The following ADAMTS17 variants were observed in gnomAD, a reference collection of about 807,000 sequenced individuals.
ADAMTS17 encodes the protein ADAM metallopeptidase with thrombospondin type 1 motif 17, also known as A disintegrin and metalloproteinase with thrombospondin motifs 17.
Under a neutral mutation model 141.5 loss-of-function variants are expected in ADAMTS17, and 113 were observed. That is an observed-to-expected ratio of 0.80 (90% CI 0.69 to 0.93). The LOEUF is 0.93. Among genes scored for constraint, ADAMTS17 ranks in the 40% least tolerant of loss-of-function variants. The pLI is 0.00. For missense variants in ADAMTS17, 1,659 were observed against 1,517.9 expected, an observed-to-expected ratio of 1.09 and a Z score of -1.54; for synonymous variants, 768 against 630.6, an observed-to-expected ratio of 1.22 and a Z score of -3.27.
At chr15:99,983,237 C>G (rs778244303) in intron 20 of ADAMTS17, among the ~76,000 whole-genome samples, 1 of 152,162 alleles carries the variant, frequency 6.6e-6, no homozygotes, top group Admixed American at 6.6e-5. Context: ...GCTTGTTAAT[C>G]CTCACACTGA....
chr15:100,201,021 G>A (rs1374880931), intron 7 of ADAMTS17, among the ~76,000 whole-genome samples: 1 of 152,222 alleles, frequency 6.6e-6, no homozygotes, highest in Admixed American at 6.5e-5. Flanking sequence ...AGGAGAGAAT[G>A]GGACAGGGGA....
At chr15:100,156,053 T>G (rs1408529904) in intron 8 of ADAMTS17, among the ~76,000 whole-genome samples, 2 of 152,164 alleles carry the variant, frequency 1.3e-5, no homozygotes, top group African/African-American at 4.8e-5. Context: ...TTCAACAATC[T>G]CAGTGGAACA....
rs116961066 is a variant in ADAMTS17, at chr15:100,230,818, T to A, written c.1075+23318A>T. Among the ~76,000 whole-genome samples the A allele has an allele frequency of 2.2e-4, 33 of 152,082 alleles. No individual in the cohort carries two copies. In the East Asian group the frequency reaches 6.4e-3, roughly 29 times the overall value. On this transcript the variant is annotated intron_variant, in intron 7 of 21. Transcript: ENST00000268070. ...ACACACACACCTAGCTTCGGAAACA[T>A]GTCCACTGTTGATACCAAACACCTC...
In ADAMTS17 at chr15:99,974,388, CT is replaced by C. The variant is rs777496319; in HGVS notation, c.*13del. The C allele has an allele frequency of 3.1e-6, 5 of 1,614,042 alleles. No homozygotes were observed. In the South Asian group the frequency reaches 5.5e-5, roughly 18 times the overall value. ...ACCTGAGTCTGAGCTTTGAGCGACC[CT>C]TGGGACTGCGTGTCACGAGTTCGGC... On this transcript the variant is annotated 3_prime_UTR_variant, in exon 22 of 22. Coordinates refer to ENST00000268070, the MANE Select transcript of ADAMTS17 (RefSeq NM_139057.4).
rs1787031925 is a variant in ADAMTS17 at position 100,230,345 on chromosome 15, T to A, written c.1075+23791A>T. 3.3e-5 allele frequency among the ~76,000 whole-genome samples: 5 copies of A among 152,182 alleles called. No homozygotes were observed. In the South Asian group the frequency reaches 1.0e-3, roughly 32 times the overall value. ...TGCGCATCCAGGGCTGAGGGCAGGC[T>A]AGATAGTAACAGATTCCTGTGTATA... On this transcript the variant is annotated intron_variant, in intron 7 of 21. Transcript: ENST00000268070.
intron 8 of ADAMTS17, among the ~76,000 whole-genome samples, chr15:100,181,688 G>A (rs2040530846): frequency 6.6e-6 from 1 of 152,222 alleles, no homozygotes; most frequent in Non-Finnish European, 1.5e-5. Flanking sequence ...TGGTATTCAA[G>A]ATGCAAGACA....
At chr15:100,167,669 C>T (rs1304217555) in intron 8 of ADAMTS17, among the ~76,000 whole-genome samples, 3 of 152,190 alleles carry the variant, frequency 2.0e-5, no homozygotes, top group Non-Finnish European at 4.4e-5. Context: ...AACCTGGGAT[C>T]TTCTCAGTTT....
intron 8 of ADAMTS17, among the ~76,000 whole-genome samples, chr15:100,184,572 G>A (rs945128584): frequency 6.6e-6 from 1 of 152,198 alleles, no homozygotes; most frequent in Admixed American, 6.5e-5. Context: ...ATGATGTGTG[G>A]CAAAGCTACC....
intron 15 of ADAMTS17, among the ~76,000 whole-genome samples, chr15:100,061,421 C>G (rs57212073): frequency 1.3e-5 from 2 of 152,242 alleles, no homozygotes; most frequent in East Asian, 3.9e-4. Flanking sequence ...GCCACTATCG[C>G]GGATGCTATT....
chr15:99,996,178 C>T (rs879839733), intron 19 of ADAMTS17, among the ~76,000 whole-genome samples: 2 of 152,024 alleles, frequency 1.3e-5, no homozygotes, highest in Non-Finnish European at 2.9e-5. Context: ...CCTCAACCGC[C>T]CAAGTAGCTG....
chr15:99,984,031 C>T (rs2060532989), intron 20 of ADAMTS17, among the ~76,000 whole-genome samples: 1 of 152,168 alleles, frequency 6.6e-6, no homozygotes, highest in African/African-American at 2.4e-5. Context: ...TGTGCCGTCG[C>T]TGGGAAACAG....
intron 16 of ADAMTS17, 126 bp downstream of exon 16, chr15:100,053,771 T>C: frequency 2.8e-6 from 4 of 1,417,188 alleles, no homozygotes; most frequent in Non-Finnish European, 4.0e-6. Context: ...GGGGACGGCA[T>C]AAACCCCTGG....
At chr15:100,231,057 C>T (rs1049347286) in intron 7 of ADAMTS17, among the ~76,000 whole-genome samples, 2 of 152,244 alleles carry the variant, frequency 1.3e-5, no homozygotes, top group African/African-American at 4.8e-5. Flanking sequence ...CCCATCAGAA[C>T]ACAGAGAGAG....
chr15:100,068,569 T>C (rs1244423205), intron 15 of ADAMTS17, among the ~76,000 whole-genome samples: 1 of 152,128 alleles, frequency 6.6e-6, no homozygotes, highest in Admixed American at 6.6e-5. Context: ...AGAGGAACGA[T>C]CAGGCAGCAA....
At chr15:100,266,340 C>T (rs1053227067) in intron 4 of ADAMTS17, among the ~76,000 whole-genome samples, 5 of 152,238 alleles carry the variant, frequency 3.3e-5, no homozygotes, top group African/African-American at 1.2e-4. Context: ...CCCACAACTG[C>T]AGGGCCAGAG....
At chr15:100,312,567 T>G (rs1291595280) in intron 3 of ADAMTS17, among the ~76,000 whole-genome samples, 1 of 152,178 alleles carries the variant, frequency 6.6e-6, no homozygotes. Flanking sequence ...AATGCCTGAG[T>G]CTTGCCTTCC....
chr15:100,061,878 T>G (rs982083420), intron 15 of ADAMTS17, among the ~76,000 whole-genome samples: 5 of 152,196 alleles, frequency 3.3e-5, no homozygotes, highest in African/African-American at 1.2e-4. Context: ...ACGGAGGGCC[T>G]CCAGTACATT....
intron 8 of ADAMTS17, among the ~76,000 whole-genome samples, chr15:100,177,670 T>C (rs1225276810): frequency 2.6e-5 from 4 of 152,196 alleles, no homozygotes; most frequent in Admixed American, 2.0e-4. Flanking sequence ...TGTTGGTTGA[T>C]GTTTGGTTCT....
intron 20 of ADAMTS17, among the ~76,000 whole-genome samples, chr15:99,982,375 T>A (rs948604185): frequency 1.3e-5 from 2 of 152,048 alleles, no homozygotes; most frequent in African/African-American, 2.4e-5. Context: ...CCTGAGTTGA[T>A]CAGGCAGCCA....
Sources: gnomAD v4.1 joint callset for allele counts (sites outside exome capture counted in the v4.1 genomes callset) on GRCh38, gnomAD v4.1.1 for gene constraint, MANE v1.5 for transcripts, NCBI Gene and HGNC (gene_info 2026-07-23, HGNC 2026-07-21) for gene names.